The following SGCZ variants were observed in gnomAD, a reference collection of about 807,000 sequenced individuals.
The protein encoded by SGCZ is sarcoglycan zeta.
In SGCZ, 40 loss-of-function variants were observed where a neutral mutation model predicts 41.3. The observed-to-expected ratio is 0.97, with a 90% confidence interval of 0.75 to 1.26. The LOEUF is 1.26. Ranked by LOEUF, SGCZ falls within the 50% of genes most tolerant of loss-of-function variation. The pLI is 0.00. For synonymous variants in SGCZ, 206 were observed against 137.5 expected (o/e 1.50, Z -3.49); for missense variants, 552 against 369.8 (o/e 1.49, Z -4.04).
At chr8:14,670,205 G>T (rs185938186) in intron 1 of SGCZ, among the ~76,000 whole-genome samples, 1 of 152,110 alleles carries the variant, frequency 6.6e-6, no homozygotes, top group African/African-American at 2.4e-5. Context: ...GTAAGATTAT[G>T]TTTCCAAATA....
At chr8:15,049,897 C>T (rs912792847) in intron 1 of SGCZ, among the ~76,000 whole-genome samples, 2 of 152,164 alleles carry the variant, frequency 1.3e-5, no homozygotes, top group Non-Finnish European at 2.9e-5. Context: ...GGTGACTTTG[C>T]TCCTCCTTCA....
rs550369093 is a variant in SGCZ, at chr8:15,101,856, C to T, written c.39+135729G>A. On this transcript the variant is annotated intron_variant, in intron 1 of 7. Transcript: ENST00000382080. ...AGGAGAATTGCTTGAACCGGGGAGG[C>T]GGAGGTTGCAGTGAGCCGAGATTGT... 7.5e-4 allele frequency among the ~76,000 whole-genome samples: 114 copies of T among 152,214 alleles called. 3 individuals are homozygous for T. In the South Asian group the frequency reaches 0.011, roughly 14 times the overall value.
At chr8:14,279,519 T>C (rs949057313) in intron 3 of SGCZ, among the ~76,000 whole-genome samples, 6 of 151,928 alleles carry the variant, frequency 3.9e-5, no homozygotes, top group Admixed American at 1.3e-4. Flanking sequence ...GATGACTCCA[T>C]AAATATCTAC....
Position 14,418,981 on chromosome 8 carries a change from C to T in SGCZ, c.235-94777G>A, listed in dbSNP as rs1585483738. Among the ~76,000 whole-genome samples, 2 of 152,052 alleles carry T rather than the reference C, an allele frequency of 1.3e-5. 1 individual carries two copies. Among genetic ancestry groups the T allele is most frequent in the Admixed American group, 1.3e-4 (2 of 15,210 alleles). ...TATCTTCATGTTAACTATCTACTAG[C>T]ACTTTTGAATTCCCTTCATGACAAT... On this transcript the variant is annotated intron_variant, in intron 2 of 7. Transcript: ENST00000382080.
At chr8:14,994,316 G>C (rs1022977764) in intron 1 of SGCZ, among the ~76,000 whole-genome samples, 2 of 152,102 alleles carry the variant, frequency 1.3e-5, no homozygotes, top group Non-Finnish European at 2.9e-5. Flanking sequence ...GGGCATGGTG[G>C]CTCCCGCCTG....
chr8:14,283,164 C>T (rs999444191), intron 3 of SGCZ, among the ~76,000 whole-genome samples: 1 of 144,910 alleles, frequency 6.9e-6, no homozygotes, highest in African/African-American at 2.6e-5. Flanking sequence ...TACTTTTAAC[C>T]AGCTCTCTCC....
At chr8:14,823,113 G>A (rs116122756) in intron 1 of SGCZ, among the ~76,000 whole-genome samples, 5,481 of 142,660 alleles carry the variant, frequency 0.038, 359 homozygotes, top group African/African-American at 0.13. Context: ...ACATGAAACC[G>A]TGAAGCTATT....
intron 4 of SGCZ, among the ~76,000 whole-genome samples, chr8:14,198,602 A>AT (rs1363880810): frequency 2.6e-5 from 4 of 151,818 alleles, no homozygotes; most frequent in African/African-American, 9.7e-5. Context: ...AAAAGTTGAA[A>AT]AAAAAGAGGA....
intron 5 of SGCZ, among the ~76,000 whole-genome samples, chr8:14,123,962 ATGT>A (rs1802776313): frequency 1.3e-5 from 2 of 152,262 alleles, no homozygotes; most frequent in South Asian, 2.1e-4. Context: ...CAGTTGGCTA[ATGT>A]TGTTAACTTT....
intron 2 of SGCZ, among the ~76,000 whole-genome samples, chr8:14,414,702 C>G (rs1799449363): frequency 6.6e-6 from 1 of 151,900 alleles, no homozygotes; most frequent in African/African-American, 2.4e-5. Flanking sequence ...CTTGGCCAAT[C>G]ATGATTCAAG....
intron 1 of SGCZ, among the ~76,000 whole-genome samples, chr8:15,122,193 C>G (rs906852287): frequency 7.3e-5 from 11 of 150,940 alleles, no homozygotes; most frequent in African/African-American, 2.7e-4. Context: ...CAAAGATAAT[C>G]TGCAATGGGT....
intron 1 of SGCZ, among the ~76,000 whole-genome samples, chr8:15,071,597 C>A (rs965530034): frequency 1.3e-5 from 2 of 152,186 alleles, no homozygotes; most frequent in Non-Finnish European, 2.9e-5. Context: ...TCATCTTACC[C>A]ATTCATGACA....
chr8:14,809,194 A>T (rs948205835), intron 1 of SGCZ, among the ~76,000 whole-genome samples: 1 of 152,168 alleles, frequency 6.6e-6, no homozygotes, highest in Non-Finnish European at 1.5e-5. Context: ...ACTAAGCTGC[A>T]CAATGTGCAC....
chr8:14,253,243 GGTGTGTGT>G (rs10681510), intron 3 of SGCZ, among the ~76,000 whole-genome samples: 22 of 148,952 alleles, frequency 1.5e-4, no homozygotes, highest in African/African-American at 4.7e-4. Flanking sequence ...TTGTGTGTAG[GGTGTGTGT>G]GTGTGTGTGT....
At chr8:14,264,605 T>G (rs754449688) in intron 3 of SGCZ, among the ~76,000 whole-genome samples, 4 of 152,056 alleles carry the variant, frequency 2.6e-5, no homozygotes, top group Non-Finnish European at 4.4e-5. Context: ...ACAGAGGCAG[T>G]GACCACCGGC....
intron 3 of SGCZ, among the ~76,000 whole-genome samples, chr8:14,268,097 T>TCA (rs58131914): frequency 6.6e-6 from 1 of 150,878 alleles, no homozygotes; most frequent in Non-Finnish European, 1.5e-5. Context: ...GCAAATTTGC[T>TCA]GTTTCAGTGA....
intron 1 of SGCZ, among the ~76,000 whole-genome samples, chr8:14,967,523 A>T (rs1374928277): frequency 6.6e-6 from 1 of 151,966 alleles, no homozygotes; most frequent in Non-Finnish European, 1.5e-5. Flanking sequence ...AGACTCTCAT[A>T]CTCAACTGCT....
chr8:14,741,097 A>G (rs1799186221), intron 1 of SGCZ, among the ~76,000 whole-genome samples: 1 of 152,074 alleles, frequency 6.6e-6, no homozygotes, highest in African/African-American at 2.4e-5. Flanking sequence ...TAACTAGAAA[A>G]ACAGAAATTA....
chr8:14,643,662 C>G (rs752147543), intron 1 of SGCZ, among the ~76,000 whole-genome samples: 13 of 151,660 alleles, frequency 8.6e-5, no homozygotes, highest in African/African-American at 3.1e-4. Flanking sequence ...AGGAGCATCA[C>G]TAAAAGTGTT....
Sources: gnomAD v4.1 joint callset for allele counts (sites outside exome capture counted in the v4.1 genomes callset) on GRCh38, gnomAD v4.1.1 for gene constraint, MANE v1.5 for transcripts, NCBI Gene and HGNC (gene_info 2026-07-23, HGNC 2026-07-21) for gene names.